The following HDAC4 variants were observed in gnomAD, a reference collection of about 807,000 sequenced individuals.
HDAC4 encodes histone deacetylase 4.
Under a neutral mutation model 135.1 loss-of-function variants are expected in HDAC4, and 16 were observed. The observed-to-expected ratio is 0.12, with a 90% CI of 0.08 to 0.18. HDAC4 has a LOEUF of 0.18. Ranked by LOEUF, HDAC4 falls within the 10% of genes least tolerant of loss-of-function variation. The probability of loss-of-function intolerance (pLI) is 1.00; values close to 1 mark genes in which losing one functional copy is unlikely to be tolerated. For missense variants in HDAC4, 1,143 were observed against 1,511.8 expected (o/e 0.76, Z 4.05); for synonymous variants, 685 against 653.4 (o/e 1.05, Z -0.74).
At chr2:239,161,768 G>C (rs1055390977) in intron 6 of HDAC4, 2 of 424,578 alleles carry the variant, frequency 4.7e-6, no homozygotes, top group African/African-American at 4.1e-5. Flanking sequence ...AGCTCACCCA[G>C]GGAGTTCCAG....
At chr2:239,144,225 C>T (rs945442307) in intron 8 of HDAC4, among the ~76,000 whole-genome samples, 4 of 152,260 alleles carry the variant, frequency 2.6e-5, no homozygotes, top group Non-Finnish European at 4.4e-5. Context: ...GCAGAGCATG[C>T]GATTCACCAC....
intron 22 of HDAC4, among the ~76,000 whole-genome samples, chr2:239,073,988 G>A (rs2152643232): frequency 6.6e-6 from 1 of 150,680 alleles, no homozygotes; most frequent in Admixed American, 6.6e-5. Context: ...GACTGAGGGG[G>A]CCGCAGGACT....
At chr2:239,280,967 TA>T (rs2050689623) in intron 2 of HDAC4, among the ~76,000 whole-genome samples, 1 of 109,022 alleles carries the variant, frequency 9.2e-6, no homozygotes. Flanking sequence ...CACACCACTC[TA>T]CAATGAACAC....
intron 2 of HDAC4, among the ~76,000 whole-genome samples, chr2:239,239,977 G>A (rs897210841): frequency 2.6e-5 from 4 of 152,162 alleles, no homozygotes; most frequent in Admixed American, 1.3e-4. Context: ...CTGGAAGCAC[G>A]GCCACAGTCT....
chr2:239,317,011 C>T (rs941608147), intron 2 of HDAC4, among the ~76,000 whole-genome samples: 4 of 152,254 alleles, frequency 2.6e-5, no homozygotes, highest in Admixed American at 6.5e-5. Context: ...GTAACAACCA[C>T]GCTGGGGCAG....
At position 239,352,154 on chromosome 2, in the gene HDAC4, T is replaced by C. The variant is rs1693213149; in HGVS notation, c.22+524A>G. 6.6e-6 allele frequency among the ~76,000 whole-genome samples: 1 copy of C among 152,144 alleles called. No individual in the cohort carries two copies. The highest frequency in any genetic ancestry group is 1.5e-5 in the Non-Finnish European group (1 of 68,020). On this transcript the variant is annotated intron_variant, in intron 2 of 26. Coordinates refer to ENST00000543185, the MANE Select transcript of HDAC4 (RefSeq NM_001378414.1). This position sits in a 1 kb window ranked among gnomAD's most constrained non-coding sequence, Gnocchi z 4.4. Reference sequence around the variant, plus strand: ...GCAAATTACTTCTTCCCTCCAGGCCTGAGATGATCTGGGGCTGTACTAAAT... The same window carrying C: ...GCAAATTACTTCTTCCCTCCAGGCCCGAGATGATCTGGGGCTGTACTAAAT...
At chr2:239,124,018 T>C (rs968692832) in intron 12 of HDAC4, among the ~76,000 whole-genome samples, 7 of 146,676 alleles carry the variant, frequency 4.8e-5, no homozygotes, top group African/African-American at 1.3e-4. Flanking sequence ...TGGGGTGGAG[T>C]GAGGGGGGCA....
intron 2 of HDAC4, among the ~76,000 whole-genome samples, chr2:239,251,705 T>C (rs532793953): frequency 2.0e-5 from 3 of 152,194 alleles, no homozygotes; most frequent in South Asian, 2.1e-4. Flanking sequence ...GAACACGCTC[T>C]CCCACTGCAC....
At chr2:239,348,920 G>T (rs1002655250) in intron 2 of HDAC4, among the ~76,000 whole-genome samples, 5 of 152,236 alleles carry the variant, frequency 3.3e-5, no homozygotes, top group Non-Finnish European at 2.9e-5. Context: ...CAATAAAACC[G>T]TAACACAAAA....
chr2:239,252,990 A>G (rs2048867577), intron 2 of HDAC4, among the ~76,000 whole-genome samples: 1 of 152,176 alleles, frequency 6.6e-6, no homozygotes, highest in Admixed American at 6.5e-5. Context: ...CGCACTGCAC[A>G]CTTCCTAGCA....
At chr2:239,329,686 CT>C (rs1259723241) in intron 2 of HDAC4, among the ~76,000 whole-genome samples, 1 of 152,218 alleles carries the variant, frequency 6.6e-6, no homozygotes, top group African/African-American at 2.4e-5. Flanking sequence ...TCTGACAAGG[CT>C]GACTAAACTA....
At chr2:239,113,300 G>A (rs917650345) in intron 13 of HDAC4, among the ~76,000 whole-genome samples, 6 of 152,112 alleles carry the variant, frequency 3.9e-5, no homozygotes, top group African/African-American at 1.4e-4. Flanking sequence ...AGAGAAGAAG[G>A]AAGCCCTGAG....
chr2:239,066,912 GC>G, intron 23 of HDAC4, 57 bp from the exon 24 acceptor site: 1 of 1,580,434 alleles, frequency 6.3e-7, no homozygotes, highest in South Asian at 1.1e-5. Context: ...AGCCAGCACA[GC>G]CCAGAAACGC....
At chr2:239,377,547 C>T (rs150409959) in intron 1 of HDAC4, among the ~76,000 whole-genome samples, 10 of 152,352 alleles carry the variant, frequency 6.6e-5, no homozygotes, top group Non-Finnish European at 1.3e-4. Flanking sequence ...GGAGGGAGCA[C>T]GAGATTCTCC....
At chr2:239,233,830 G>A (rs574505676) in intron 3 of HDAC4, among the ~76,000 whole-genome samples, 31 of 152,298 alleles carry the variant, frequency 2.0e-4, no homozygotes, top group African/African-American at 7.0e-4. Flanking sequence ...AGTGACTGCT[G>A]GAGTCATTCC....
chr2:239,259,377 G>A (rs1043098631), intron 2 of HDAC4, among the ~76,000 whole-genome samples: 1 of 152,190 alleles, frequency 6.6e-6, no homozygotes, highest in East Asian at 1.9e-4. Flanking sequence ...CTGGAAGGTG[G>A]AGGCTGCAGT....
At chr2:239,170,550 A>G (rs2043385081) in intron 5 of HDAC4, among the ~76,000 whole-genome samples, 1 of 152,262 alleles carries the variant, frequency 6.6e-6, no homozygotes, top group Non-Finnish European at 1.5e-5. Context: ...CAAAACGAAG[A>G]ACATAAACAG....
At chr2:239,056,556 A>C (rs1415376486) in intron 24 of HDAC4, among the ~76,000 whole-genome samples, 2 of 152,222 alleles carry the variant, frequency 1.3e-5, no homozygotes, top group Non-Finnish European at 2.9e-5. Context: ...AGACAGATAC[A>C]CAGGAGTTCA....
intron 1 of HDAC4, among the ~76,000 whole-genome samples, chr2:239,381,474 C>CA (rs1559398028): frequency 6.6e-6 from 1 of 151,934 alleles, no homozygotes; most frequent in Non-Finnish European, 1.5e-5. Context: ...TATTCACATG[C>CA]AAAAAAATGT....
Sources: gnomAD v4.1 joint callset for allele counts (sites outside exome capture counted in the v4.1 genomes callset) on GRCh38, gnomAD v4.1.1 for gene constraint, Gnocchi (gnomAD v3.1) non-coding constraint, MANE v1.5 for transcripts, NCBI Gene and HGNC (gene_info 2026-07-23, HGNC 2026-07-21) for gene names.